HEXA: variants seen among roughly 807,000 people sequenced by gnomAD.
HEXA encodes the protein beta-hexosaminidase subunit alpha.
In HEXA, 54 loss-of-function variants were observed where a neutral mutation model predicts 73.3. That is an observed-to-expected ratio of 0.74 (90% confidence interval 0.59 to 0.92). The LOEUF (loss-of-function observed/expected upper bound fraction) is 0.92, where lower values mean the gene tolerates loss of function less well. Among genes scored for constraint, HEXA ranks in the 40% least tolerant of loss-of-function variants. The probability of loss-of-function intolerance (pLI) is 0.00; values close to 1 mark genes in which losing one functional copy is unlikely to be tolerated. For missense variants in HEXA, 649 were observed against 653.0 expected, an observed-to-expected ratio of 0.99 and a Z score of 0.07; for synonymous variants, 230 against 246.9, an observed-to-expected ratio of 0.93 and a Z score of 0.64.
At chr15:72,346,805 C>T in intron 10 of HEXA, 95 bp from the exon 11 acceptor site, 1 of 1,143,096 alleles carries the variant, frequency 8.7e-7, no homozygotes, top group Admixed American at 1.7e-5. Context: ...CAGGTATGTG[C>T]TCCCTCTGTT....
In HEXA at chr15:72,369,447, C is replaced by T. The variant is rs143482734; in HGVS notation, c.253+6273G>A. 4.4e-3 allele frequency among the ~76,000 whole-genome samples: 674 copies of T among 152,310 alleles called. 6 individuals carry two copies. The highest frequency in any genetic ancestry group is 0.015 in the African/African-American group (635 of 41,570). On this transcript the variant is annotated intron_variant, in intron 1 of 13. Transcript: ENST00000268097. ...ATGATGCAAATTGACTCTATTTTAT[C>T]ACTTATTTTCAGGACCAGTAGAAGA... is the stretch of plus-strand genomic sequence containing the variant.
chr15:72,348,047 C>T lies in HEXA; in HGVS notation c.1073+1G>A, dbSNP rs76173977. On this transcript the variant is annotated splice_donor_variant, in intron 9 of 13. Transcript: ENST00000268097. LOFTEE classifies it high-confidence loss of function. ...CCCACCCACCCTCCTTCCTTCCTCA[C>T]GTCTGGATGTAGAAGGACTCCAGCT... 968 of 1,602,712 alleles carry T rather than the reference C, an allele frequency of 6.0e-4. No individual in the cohort carries two copies. The highest frequency in any genetic ancestry group is 8.0e-4 in the Non-Finnish European group (930 of 1,169,776).
rs778594889 is a variant in HEXA at position 72,346,332 on chromosome 15, G to A, written c.1331-7C>T. ...GCCTTCTGCTCAGGGGTACCTGAGG[G>A]AAAACAAGCAACAACAGTCTGGTGA... On this transcript the variant is annotated splice_region_variant and splice_polypyrimidine_tract_variant and intron_variant, in intron 11 of 13. Coordinates refer to ENST00000268097, the MANE Select transcript of HEXA (RefSeq NM_000520.6). 1 of 1,609,714 alleles carries A rather than the reference G, an allele frequency of 6.2e-7. No homozygotes were observed. Among genetic ancestry groups the A allele is most frequent in the Admixed American group, 1.7e-5 (1 of 59,960 alleles).
chr15:72,346,540 G>C lies in HEXA; in HGVS notation c.1317C>G (p.Pro439=), dbSNP rs1003506073. The C allele has an allele frequency of 1.2e-4, 195 of 1,613,834 alleles. No homozygotes were observed. The highest frequency in any genetic ancestry group is 1.6e-4 in the Non-Finnish European group (191 of 1,179,894). ...CTCTGCTTTCACCTTCAAATGCCAG[G>C]GGTTCCACTATGTAGAAATCCTTCC... is the stretch of plus-strand genomic sequence containing the variant. ...PDWKDFYIVE[P]LAFEGTPEQK... is the part of the protein sequence containing the mutation. Residue 439 remains proline (P), a synonymous_variant, in exon 11 of 14, where the codon CCC becomes CCG. Transcript: ENST00000268097.
At chr15:72,351,969 A>T (rs1369358903) in intron 5 of HEXA, among the ~76,000 whole-genome samples, 1 of 150,764 alleles carries the variant, frequency 6.6e-6, no homozygotes, top group Non-Finnish European at 1.5e-5. Context: ...TTATTTATTT[A>T]TTTATTTTTG....
At chr15:72,355,793 T>C in intron 2 of HEXA, 169 bp from the exon 3 acceptor site, 1 of 636,838 alleles carries the variant, frequency 1.6e-6, no homozygotes. Flanking sequence ...AGCTGTAGGA[T>C]GGCCTGGTCT....
intron 3 of HEXA, chr15:72,354,012 T>C (rs1405229275): frequency 1.8e-6 from 1 of 544,406 alleles, no homozygotes; most frequent in African/African-American, 1.9e-5. Context: ...ATACCTCTTA[T>C]CTATATTTCC....
intron 8 of HEXA, 112 bp from the exon 9 acceptor site, chr15:72,348,246 TAAGC>T: frequency 1.3e-6 from 1 of 764,950 alleles, no homozygotes; most frequent in Non-Finnish European, 2.3e-6. Context: ...AAAAATCAAA[TAAGC>T]AAGGATCTCA....
rs987036804 is a variant in HEXA at position 72,375,818 on chromosome 15, G to T, written c.155C>A (p.Ser52Ter). The part of the protein sequence containing the change: ...NNFQFQYDVS[S>*]AAQPGCSVLD... ...GACTGAGCAGCCGGGCTGCGCGGCC[G>T]AGCTGACATCGTACTGGAATTGAAA... Residue 52 changes from serine (S) to a stop codon, truncating the protein, a stop_gained, in exon 1 of 14, where the codon TCG becomes TAG. Transcript: ENST00000268097. LOFTEE classifies it high-confidence loss of function. The T allele has an allele frequency of 5.0e-6, 8 of 1,614,266 alleles. No homozygotes were observed. In the Admixed American group the frequency reaches 5.0e-5, roughly 10 times the overall value.
chr15:72,353,358 G>A (rs1481302560), intron 4 of HEXA, among the ~76,000 whole-genome samples, 180 bp from the exon 5 acceptor site: 2 of 152,134 alleles, frequency 1.3e-5, no homozygotes, highest in Non-Finnish European at 2.9e-5. Context: ...CCTTCCCAGA[G>A]AGCAATTGTC....
At chr15:72,350,205 T>C (rs1407068370) in intron 7 of HEXA, 7 of 407,012 alleles carry the variant, frequency 1.7e-5, no homozygotes, top group Non-Finnish European at 2.8e-5. Flanking sequence ...CAGGCTGCCC[T>C]TGGGCTTCTT....
At chr15:72,348,206 T>A in intron 8 of HEXA, 72 bp from the exon 9 acceptor site, 9 of 990,634 alleles carry the variant, frequency 9.1e-6, no homozygotes, top group South Asian at 1.3e-5. Flanking sequence ...ATTAGTCACC[T>A]GGCCCCCTAT....
intron 1 of HEXA, among the ~76,000 whole-genome samples, chr15:72,367,777 G>A (rs962149939): frequency 5.9e-5 from 9 of 152,156 alleles, no homozygotes; most frequent in African/African-American, 1.9e-4. Flanking sequence ...AAGGCTTCTC[G>A]CCTGTAGGCC....
At chr15:72,369,565 T>G (rs2088961352) in intron 1 of HEXA, among the ~76,000 whole-genome samples, 1 of 152,210 alleles carries the variant, frequency 6.6e-6, no homozygotes, top group Non-Finnish European at 1.5e-5. Flanking sequence ...TGAGACAAGG[T>G]CTGGCTCTGT....
At chr15:72,366,360 G>A (rs2088915988) in intron 1 of HEXA, among the ~76,000 whole-genome samples, 1 of 151,616 alleles carries the variant, frequency 6.6e-6, no homozygotes, top group South Asian at 2.1e-4. Flanking sequence ...CCAGGCTGGG[G>A]TGCAGTGGCG....
rs2088665487 is a variant in HEXA, at chr15:72,349,354, A to T, written c.806-95T>A. 4.1e-6 allele frequency: 4 copies of T among 975,582 alleles called. No homozygotes were observed. The Admixed American group carries it at 7.0e-5, about 17-fold the overall frequency. 60.4% of individuals were successfully genotyped at this position (975,582 alleles called of 1,614,324 possible). A position where few individuals can be genotyped will look rare whatever the true frequency, so the allele number is the denominator to read the frequency against. On this transcript the variant is annotated intron_variant, in intron 7 of 13. Coordinates refer to ENST00000268097, the MANE Select transcript of HEXA (RefSeq NM_000520.6). The stretch of plus-strand genomic sequence containing the variant: ...GGACACGAGTCACACAAAGCAAGAC[A>T]AGTGTATTCATAAACATCACACACA...
intron 10 of HEXA, 152 bp downstream of exon 10, chr15:72,347,534 T>G (rs2088632596): frequency 6.9e-6 from 5 of 724,084 alleles, no homozygotes; most frequent in Non-Finnish European, 1.0e-5. Flanking sequence ...CACCCAGCAC[T>G]CTGTGGCCTT....
At chr15:72,375,663 T>TGTC (rs2089053933) in intron 1 of HEXA, 57 bp downstream of exon 1, 3 of 1,605,332 alleles carry the variant, frequency 1.9e-6, no homozygotes, top group Non-Finnish European at 2.6e-6. Context: ...CTGGGGGAAC[T>TGTC]GTCCCCAGGC....
chr15:72,344,251 T>G, intron 13 of HEXA, 111 bp from the exon 14 acceptor site: 1 of 762,658 alleles, frequency 1.3e-6, no homozygotes, highest in Non-Finnish European at 2.3e-6. Context: ...ACTCTCAAAC[T>G]GTCACTGTAC....
Sources: gnomAD v4.1 joint callset for allele counts (sites outside exome capture counted in the v4.1 genomes callset) on GRCh38, gnomAD v4.1.1 for gene constraint, MANE v1.5 for transcripts, NCBI Gene and HGNC (gene_info 2026-07-23, HGNC 2026-07-21) for gene names.